The following WWOX variants were observed in gnomAD, a reference collection of about 807,000 sequenced individuals.
The protein encoded by WWOX is WW domain containing oxidoreductase.
In WWOX, 69 loss-of-function variants were observed where a neutral mutation model predicts 46.2. That is an observed-to-expected ratio of 1.49 (90% CI 1.23 to 1.82). The LOEUF is 1.82. WWOX is among the 40% of genes most tolerant of loss of function. The probability of loss-of-function intolerance (pLI) is 0.00; values close to 1 mark genes in which losing one functional copy is unlikely to be tolerated. For synonymous variants in WWOX, 359 were observed against 202.6 expected (o/e 1.77, Z -6.56); for missense variants, 919 against 542.6 (o/e 1.69, Z -6.89).
intron 8 of WWOX, among the ~76,000 whole-genome samples, chr16:78,478,550 G>C (rs1226977116): frequency 6.6e-6 from 1 of 151,604 alleles, no homozygotes; most frequent in Admixed American, 6.6e-5. Flanking sequence ...CTCCTCTCTC[G>C]AAGCTCCATG....
rs868713286 is a variant in WWOX at position 79,015,100 on chromosome 16, G to T, written c.1057-196508G>T. 3.3e-5 allele frequency among the ~76,000 whole-genome samples: 5 copies of T among 152,290 alleles called. No individual in the cohort carries two copies. In the Middle Eastern group the frequency reaches 0.014, roughly 414 times the overall value. ...TCTTTCAAATTTGGATGTGTCGGGG[G>T]CCACAGGACACTACTGTGCATTTGC... On this transcript the variant is annotated intron_variant, in intron 8 of 8. Transcript: ENST00000566780.
chr16:78,430,951 T>C (rs2083203346), intron 7 of WWOX, among the ~76,000 whole-genome samples: 1 of 152,248 alleles, frequency 6.6e-6, no homozygotes, highest in South Asian at 2.1e-4. Context: ...TTTTACCTTT[T>C]GCTTTTTGTT....
At chr16:78,511,822 C>T (rs1451546594) in intron 8 of WWOX, among the ~76,000 whole-genome samples, 1 of 152,112 alleles carries the variant, frequency 6.6e-6, no homozygotes, top group Non-Finnish European at 1.5e-5. Context: ...TGGCTTTTGT[C>T]AGAAGGGTCT....
chr16:79,125,735 T>C (rs1446501735), intron 8 of WWOX, among the ~76,000 whole-genome samples: 3 of 152,326 alleles, frequency 2.0e-5, no homozygotes, highest in Middle Eastern at 6.8e-3. Flanking sequence ...GAACATAGCT[T>C]TGGGGCAGTG....
intron 8 of WWOX, among the ~76,000 whole-genome samples, chr16:79,086,399 A>G (rs1232637984): frequency 2.0e-5 from 3 of 152,226 alleles, no homozygotes; most frequent in African/African-American, 4.8e-5. Context: ...GTCTTCTGGT[A>G]TGTTTCTTGA....
intron 8 of WWOX, among the ~76,000 whole-genome samples, chr16:78,507,993 CGTGCGTGTGTGTGTGTGTGT>C (rs1228060512): frequency 1.4e-5 from 2 of 145,462 alleles, no homozygotes; most frequent in Non-Finnish European, 3.0e-5. Flanking sequence ...TTTTTGGTTG[CGTGCGTGTGTGTGTGTGTGT>C]GTGTGTGTGT....
At chr16:78,291,864 C>G (rs2079864429) in intron 5 of WWOX, among the ~76,000 whole-genome samples, 1 of 151,554 alleles carries the variant, frequency 6.6e-6, no homozygotes, top group Non-Finnish European at 1.5e-5. Context: ...CTGATGGCCG[C>G]CAGCTGAGGG....
At chr16:78,903,297 C>T (rs566690184) in intron 8 of WWOX, among the ~76,000 whole-genome samples, 112 of 152,276 alleles carry the variant, frequency 7.4e-4, no homozygotes, top group African/African-American at 2.7e-3. Context: ...TATCACACTC[C>T]TATGCAAACA....
At chr16:78,760,341 C>T (rs141092893) in intron 8 of WWOX, among the ~76,000 whole-genome samples, 2,029 of 152,288 alleles carry the variant, frequency 0.013, 41 homozygotes, top group African/African-American at 0.046. Flanking sequence ...ATGGGAGCTA[C>T]AATTCAATAT....
At chr16:78,384,698 G>A (rs562023519) in intron 5 of WWOX, among the ~76,000 whole-genome samples, 2 of 152,018 alleles carry the variant, frequency 1.3e-5, no homozygotes, top group Non-Finnish European at 1.5e-5. Flanking sequence ...TCTCCTCCTC[G>A]TTCCAAAATC....
intron 8 of WWOX, among the ~76,000 whole-genome samples, chr16:78,754,866 T>C (rs1410360856): frequency 2.6e-5 from 4 of 152,140 alleles, no homozygotes; most frequent in Non-Finnish European, 4.4e-5. Flanking sequence ...GATAACTTAC[T>C]CACAGTCTGT....
chr16:79,036,114 GCTAT>G lies in WWOX; in HGVS notation c.1057-175491_1057-175488del. 2.6e-5 allele frequency among the ~76,000 whole-genome samples: 4 copies of G among 152,180 alleles called. No homozygotes were observed. In the South Asian group the frequency reaches 8.3e-4, roughly 32 times the overall value. ...CCATTTCTCATTCACCACACCCTGG[GCTAT>G]CTTTCACTCTCTATGAAATACCTTG... On this transcript the variant is annotated intron_variant, in intron 8 of 8. Coordinates refer to ENST00000566780, the MANE Select transcript of WWOX (RefSeq NM_016373.4).
intron 8 of WWOX, among the ~76,000 whole-genome samples, chr16:78,824,893 A>T (rs1410545354): frequency 4.6e-5 from 7 of 152,134 alleles, no homozygotes; most frequent in Non-Finnish European, 1.0e-4. Context: ...AGAGGAAGCG[A>T]CACACCTTTC....
At chr16:78,173,054 C>G (rs1423197136) in intron 5 of WWOX, among the ~76,000 whole-genome samples, 1 of 152,160 alleles carries the variant, frequency 6.6e-6, no homozygotes, top group Non-Finnish European at 1.5e-5. Context: ...TACGCAAGGA[C>G]AAGTAGAGAA....
intron 8 of WWOX, among the ~76,000 whole-genome samples, chr16:78,597,626 T>C (rs2045521367): frequency 1.3e-5 from 2 of 152,122 alleles, no homozygotes; most frequent in South Asian, 4.1e-4. Context: ...TAAAATTGTT[T>C]TTTTCTCGTT....
chr16:78,125,542 G>T (rs573391436), intron 4 of WWOX, among the ~76,000 whole-genome samples: 1 of 152,286 alleles, frequency 6.6e-6, no homozygotes, highest in East Asian at 1.9e-4. Flanking sequence ...GTCATTTCCA[G>T]ACTGCATTGG....
rs2049073375 is a variant in WWOX, at chr16:78,735,644, TC to T, written c.1056+302895del. On this transcript the variant is annotated intron_variant, in intron 8 of 8. Coordinates refer to ENST00000566780, the MANE Select transcript of WWOX (RefSeq NM_016373.4). Reference sequence around the variant, plus strand: ...ATGAGGAGACAGCAGACAGTTCCTCTCCCTGCTGCTGGCCTCTTCATCTTCT... The same window carrying T: ...ATGAGGAGACAGCAGACAGTTCCTCTCCTGCTGCTGGCCTCTTCATCTTCT... Among the ~76,000 whole-genome samples, 11 of 152,318 alleles carry T rather than the reference TC, an allele frequency of 7.2e-5. No individual in the cohort carries two copies. The South Asian group carries it at 2.1e-3, about 29-fold the overall frequency.
chr16:78,913,941 A>G (rs1189461585), intron 8 of WWOX, among the ~76,000 whole-genome samples: 1 of 152,148 alleles, frequency 6.6e-6, no homozygotes, highest in Non-Finnish European at 1.5e-5. Flanking sequence ...GATTATAGAC[A>G]TGATCCACTG....
intron 8 of WWOX, among the ~76,000 whole-genome samples, chr16:79,169,019 G>A (rs1426411663): frequency 2.0e-5 from 3 of 152,188 alleles, no homozygotes; most frequent in African/African-American, 7.2e-5. Context: ...CCTTTAAAGT[G>A]AAAGTTATGG....
Sources: gnomAD v4.1 joint callset for allele counts (sites outside exome capture counted in the v4.1 genomes callset) on GRCh38, gnomAD v4.1.1 for gene constraint, MANE v1.5 for transcripts, NCBI Gene and HGNC (gene_info 2026-07-23, HGNC 2026-07-21) for gene names.